Variants in TMEM273 observed in about 807,000 individuals in gnomAD.
The protein encoded by TMEM273 is chromosome 10 open reading frame 128.
In TMEM273, 19 loss-of-function variants were observed where a neutral mutation model predicts 17.9. The ratio of observed to expected loss-of-function variants is 1.06; its 90% CI spans 0.74 to 1.55. TMEM273 has a LOEUF of 1.55. TMEM273 is among the 40% of genes most tolerant of loss of function. The probability of loss-of-function intolerance (pLI) is 0.00; values close to 1 mark genes in which losing one functional copy is unlikely to be tolerated. For missense variants in TMEM273, 194 were observed against 155.6 expected (o/e 1.25, Z -1.31); for synonymous variants, 66 against 62.0 (o/e 1.07, Z -0.31).
chr10:49,175,967 G>T (rs1304669177), intron 1 of TMEM273, among the ~76,000 whole-genome samples: 1 of 152,208 alleles, frequency 6.6e-6, no homozygotes, highest in Non-Finnish European at 1.5e-5. Flanking sequence ...CTCTCTGTGG[G>T]GATCTGAAAC....
At chr10:49,187,184 G>A (rs11101007) in intron 1 of TMEM273, among the ~76,000 whole-genome samples, 3,192 of 152,200 alleles carry the variant, frequency 0.021, 104 homozygotes, top group African/African-American at 0.071. Context: ...TCTAACCACC[G>A]TGCACACCCT....
At chr10:49,167,059 C>T (rs1446079203) in intron 2 of TMEM273, 50 bp from the exon 3 acceptor site, 3 of 1,600,810 alleles carry the variant, frequency 1.9e-6, no homozygotes, top group Non-Finnish European at 2.6e-6. Flanking sequence ...CCTGCAGCTC[C>T]CTCTGCATTC....
At chr10:49,177,717 G>A (rs988896900) in intron 1 of TMEM273, among the ~76,000 whole-genome samples, 11 of 152,188 alleles carry the variant, frequency 7.2e-5, no homozygotes, top group African/African-American at 1.9e-4. Flanking sequence ...GCTCATCTGC[G>A]GTTTGGGAGG....
Position 49,155,424 on chromosome 10 carries a change from A to G in TMEM273, c.*468T>C, listed in dbSNP as rs1845454132. 1 of 181,162 alleles carries G rather than the reference A, an allele frequency of 5.5e-6. No homozygotes were observed. Among genetic ancestry groups the G allele is most frequent in the Non-Finnish European group, 1.2e-5 (1 of 86,144 alleles). 11.2% of individuals were successfully genotyped at this position (181,162 alleles called of 1,614,324 possible). ...CGAATCTTCACATAGTCCATCTTTA[A>G]GAAGGGATCTCCTGGCAGCTAAGAG... is the stretch of plus-strand genomic sequence containing the variant. On this transcript the variant is annotated 3_prime_UTR_variant, in exon 7 of 7. Transcript: ENST00000374153.
intron 1 of TMEM273, among the ~76,000 whole-genome samples, chr10:49,173,194 C>T (rs776141820): frequency 1.3e-4 from 20 of 152,192 alleles, no homozygotes; most frequent in African/African-American, 1.7e-4. Flanking sequence ...CAGCTGTGCC[C>T]GAAGCACTTC....
At chr10:49,168,272 T>A (rs1846327243) in intron 1 of TMEM273, among the ~76,000 whole-genome samples, 1 of 152,170 alleles carries the variant, frequency 6.6e-6, no homozygotes, top group African/African-American at 2.4e-5. Context: ...TAATCCAGCA[T>A]GGCTTTGGTG....
chr10:49,163,410 G>A (rs1458449505), intron 5 of TMEM273, among the ~76,000 whole-genome samples: 4 of 151,992 alleles, frequency 2.6e-5, no homozygotes, highest in Non-Finnish European at 4.4e-5. Flanking sequence ...CCTGAAGCTG[G>A]TTACATGCCC....
intron 1 of TMEM273, among the ~76,000 whole-genome samples, chr10:49,181,241 C>A (rs1452264449): frequency 6.6e-6 from 1 of 152,094 alleles, no homozygotes; most frequent in South Asian, 2.1e-4. Flanking sequence ...GAGACACATA[C>A]CAAGTTCATG....
chr10:49,169,874 C>T lies in TMEM273; in HGVS notation c.44-1912G>A, dbSNP rs991196703. ...GCTACGTCTTCACCCTTTCCTGGGA[C>T]GGGACCCTTTGCTGACACCTCTGAT... On this transcript the variant is annotated intron_variant, in intron 1 of 6. Coordinates refer to ENST00000374153, the MANE Select transcript of TMEM273 (RefSeq NM_001288740.3). Among the ~76,000 whole-genome samples the T allele has an allele frequency of 4.6e-5, 7 of 152,336 alleles. No homozygotes were observed. In the East Asian group the frequency reaches 5.8e-4, roughly 13 times the overall value.
intron 1 of TMEM273, among the ~76,000 whole-genome samples, chr10:49,175,585 A>C (rs1846899158): frequency 1.3e-5 from 2 of 152,260 alleles, no homozygotes; most frequent in South Asian, 4.1e-4. Context: ...AGATTCACAC[A>C]GTGGGATTAA....
intron 1 of TMEM273, among the ~76,000 whole-genome samples, chr10:49,181,816 TCC>T (rs1456486918): frequency 7.3e-6 from 1 of 136,272 alleles, no homozygotes; most frequent in Non-Finnish European, 1.6e-5. Context: ...AAAAGCACAG[TCC>T]ACGAAAAAAA....
At chr10:49,182,060 G>A (rs1343220245) in intron 1 of TMEM273, among the ~76,000 whole-genome samples, 2 of 152,210 alleles carry the variant, frequency 1.3e-5, no homozygotes, top group African/African-American at 4.8e-5. Flanking sequence ...TGCCCTATCA[G>A]GAAGTATCTC....
intron 6 of TMEM273, chr10:49,161,125 G>A (rs1341339846): frequency 1.8e-5 from 3 of 162,724 alleles, no homozygotes; most frequent in Non-Finnish European, 4.0e-5. Flanking sequence ...CCGAGATCCT[G>A]TCCCCTTCTG....
chr10:49,186,449 T>C (rs992296888), intron 1 of TMEM273, among the ~76,000 whole-genome samples: 9 of 152,322 alleles, frequency 5.9e-5, no homozygotes, highest in African/African-American at 1.7e-4. Context: ...TATGAACATC[T>C]TACATTTCGC....
At chr10:49,174,488 G>C (rs1217031048) in intron 1 of TMEM273, among the ~76,000 whole-genome samples, 1 of 152,176 alleles carries the variant, frequency 6.6e-6, no homozygotes, top group Non-Finnish European at 1.5e-5. Flanking sequence ...AGAAATCTCA[G>C]AGTCCCCATC....
Position 49,179,835 on chromosome 10 carries a change from T to A in TMEM273, c.43+8459A>T, listed in dbSNP as rs184080739. ...CCCACGAGCCAAAGACTGGGAAAGG[T>A]GCAGCCTAGGAAGACAAGACTTTTA... On this transcript the variant is annotated intron_variant, in intron 1 of 6. Coordinates refer to ENST00000374153, the MANE Select transcript of TMEM273 (RefSeq NM_001288740.3). 3.9e-5 allele frequency among the ~76,000 whole-genome samples: 6 copies of A among 152,216 alleles called. No homozygotes were observed. In the East Asian group the frequency reaches 1.2e-3, roughly 29 times the overall value.
chr10:49,165,681 C>A, intron 4 of TMEM273, 85 bp downstream of exon 4: 1 of 1,568,264 alleles, frequency 6.4e-7, no homozygotes, highest in Non-Finnish European at 8.8e-7. Flanking sequence ...GCAGAGAAGG[C>A]TGGGGATGAC....
chr10:49,163,949 A>G (rs768155400), intron 5 of TMEM273, among the ~76,000 whole-genome samples: 1 of 152,144 alleles, frequency 6.6e-6, no homozygotes, highest in African/African-American at 2.4e-5. Context: ...TTCATCCCTC[A>G]TGCAGCCATT....
intron 3 of TMEM273, chr10:49,166,455 A>G: frequency 3.9e-6 from 1 of 258,606 alleles, no homozygotes; most frequent in Non-Finnish European, 7.6e-6. Context: ...CTCGCTGCCT[A>G]CTGGGACTGG....
Sources: allele counts gnomAD v4.1 joint callset (sites outside exome capture counted in the v4.1 genomes callset), GRCh38; gene constraint gnomAD v4.1.1; transcripts MANE v1.5; gene names NCBI Gene and HGNC (gene_info 2026-07-23, HGNC 2026-07-21).